POLQ: variants seen among roughly 807,000 people sequenced by gnomAD.
The protein encoded by POLQ is epididymis secretory sperm binding protein.
A neutral mutation model predicts 259.2 loss-of-function variants in POLQ; 233 were observed. That is an observed-to-expected ratio of 0.90 (90% CI 0.81 to 1.00). POLQ has a LOEUF of 1.00. Among genes scored for constraint, POLQ ranks in the 50% least tolerant of loss-of-function variants. The pLI, the probability that POLQ is intolerant of heterozygous loss-of-function variation, is 0.00. For synonymous variants in POLQ, 1,025 were observed against 1,048.8 expected (o/e 0.98, Z 0.44); for missense variants, 2,871 against 3,051.6 (o/e 0.94, Z 1.39).
intron 7 of POLQ, among the ~76,000 whole-genome samples, chr3:121,526,861 G>A (rs183563950): frequency 4.4e-5 from 6 of 135,612 alleles, no homozygotes; most frequent in East Asian, 2.3e-4. Flanking sequence ...GTGTGTGTGC[G>A]TGTGTGTCTC....
chr3:121,521,901 C>T (rs2108813250), intron 8 of POLQ, 102 bp downstream of exon 8: 2 of 843,138 alleles, frequency 2.4e-6, no homozygotes, highest in Admixed American at 2.9e-5. Context: ...AATCTAAGGA[C>T]ATTAAGTGTG....
chr3:121,542,567 G>A (rs73857910), intron 2 of POLQ, among the ~76,000 whole-genome samples: 3 of 152,098 alleles, frequency 2.0e-5, no homozygotes, highest in Admixed American at 6.6e-5. Flanking sequence ...CCACAAGAAA[G>A]GTTTATAATC....
chr3:121,514,708 G>A (rs937002712), intron 9 of POLQ, among the ~76,000 whole-genome samples: 7 of 152,062 alleles, frequency 4.6e-5, no homozygotes, highest in Admixed American at 2.0e-4. Context: ...TAGAGCTCAC[G>A]GCAACCAGCA....
At position 121,545,898 on chromosome 3, in the gene POLQ, T is replaced by C. The variant is rs2108824732; in HGVS notation, c.-21A>G. The C allele has an allele frequency of 6.2e-7, 1 of 1,612,324 alleles. No individual in the cohort carries two copies. Among genetic ancestry groups the C allele is most frequent in the Non-Finnish European group, 8.5e-7 (1 of 1,179,730 alleles). On this transcript the variant is annotated 5_prime_UTR_variant, in exon 1 of 30. It removes the in-frame stop codon of an upstream open reading frame in the 5' UTR. Coordinates refer to ENST00000264233, the MANE Select transcript of POLQ (RefSeq NM_199420.4). ...TTCATGGCAAACTCTTCTCGGCCGA[T>C]CAGGGCAAGCCACAGTCCCAGCGTC...
At chr3:121,476,769 T>C (rs1381747810) in intron 19 of POLQ, 36 bp from the exon 20 acceptor site, 1 of 1,396,784 alleles carries the variant, frequency 7.2e-7, no homozygotes, top group Admixed American at 1.9e-5. Context: ...GTTAATTCAT[T>C]GGCTAAGTGG....
At chr3:121,499,018 CT>C (rs2048146038) in intron 12 of POLQ, among the ~76,000 whole-genome samples, 1 of 152,066 alleles carries the variant, frequency 6.6e-6, no homozygotes, top group Admixed American at 6.6e-5. Flanking sequence ...GAGTTTGAGG[CT>C]GCAGTAAGCT....
At chr3:121,435,035 A>G (rs2047531660) in intron 28 of POLQ, among the ~76,000 whole-genome samples, 2 of 151,996 alleles carry the variant, frequency 1.3e-5, no homozygotes, top group Non-Finnish European at 1.5e-5. Flanking sequence ...ATGGTGGCAC[A>G]CTCCTGTAAT....
Position 121,506,222 on chromosome 3 carries a change from A to G in POLQ, c.1959+3339T>C, listed in dbSNP as rs1410797514. Among the ~76,000 whole-genome samples the G allele has an allele frequency of 2.0e-5, 3 of 152,194 alleles. No individual in the cohort carries two copies. In the East Asian group the frequency reaches 5.8e-4, roughly 29 times the overall value. ...TCAAGAGGAAAATCATTCTACTTATACCACAAAGCACCAATCTCCCTAATA... is the reference window on the plus strand; with the variant it reads ...TCAAGAGGAAAATCATTCTACTTATGCCACAAAGCACCAATCTCCCTAATA... On this transcript the variant is annotated intron_variant, in intron 12 of 29. Coordinates refer to ENST00000264233, the MANE Select transcript of POLQ (RefSeq NM_199420.4).
chr3:121,492,177 G>A (rs2048074021), intron 15 of POLQ, among the ~76,000 whole-genome samples: 2 of 152,094 alleles, frequency 1.3e-5, no homozygotes. Flanking sequence ...AAAGTGAGTG[G>A]GAGGGAAGAA....
chr3:121,525,292 G>A (rs1030086954), intron 7 of POLQ, among the ~76,000 whole-genome samples: 4 of 150,800 alleles, frequency 2.7e-5, no homozygotes, highest in African/African-American at 9.8e-5. Context: ...AGTGGGCCAA[G>A]ATAGCGCCAC....
Position 121,509,455 on chromosome 3 carries a change from T to A in POLQ, c.1959+106A>T. 4.3e-6 allele frequency: 4 copies of A among 934,306 alleles called. No individual in the cohort carries two copies. The South Asian group carries it at 6.8e-5, about 16-fold the overall frequency. The allele number at this position is 934,306 out of a possible 1,614,324, so 57.9% of individuals were successfully genotyped here. ...ATTCCCACCAGTACTAACCTAGGCA[T>A]GGAAAACAGACGAGATGTTCTGTTA... On this transcript the variant is annotated intron_variant, in intron 12 of 29. Coordinates refer to ENST00000264233, the MANE Select transcript of POLQ (RefSeq NM_199420.4).
intron 6 of POLQ, among the ~76,000 whole-genome samples, chr3:121,532,430 T>C (rs193146881): frequency 1.3e-5 from 2 of 152,310 alleles, no homozygotes; most frequent in East Asian, 3.9e-4. Flanking sequence ...TAAATGTTTA[T>C]ATTATATATC....
intron 10 of POLQ, among the ~76,000 whole-genome samples, chr3:121,510,586 A>G (rs778838888): frequency 6.7e-6 from 1 of 150,184 alleles, no homozygotes; most frequent in Non-Finnish European, 1.5e-5. Flanking sequence ...CAAAAAAACA[A>G]TTAAAAAAAA....
intron 25 of POLQ, among the ~76,000 whole-genome samples, chr3:121,457,982 AC>A (rs1200743661): frequency 6.6e-6 from 1 of 152,216 alleles, no homozygotes; most frequent in Non-Finnish European, 1.5e-5. Context: ...CTTGGAACCA[AC>A]CCAAATGTCC....
chr3:121,436,345 A>T, intron 27 of POLQ, 70 bp from the exon 28 acceptor site: 8 of 1,489,396 alleles, frequency 5.4e-6, no homozygotes, highest in Non-Finnish European at 7.4e-6. Flanking sequence ...TTTAGTGTCC[A>T]CAGTTCAGTG....
At chr3:121,486,557 T>A (rs539728535) in intron 16 of POLQ, among the ~76,000 whole-genome samples, 8 of 147,150 alleles carry the variant, frequency 5.4e-5, no homozygotes, top group East Asian at 4.3e-4. Flanking sequence ...GTCTAAAAAA[T>A]AATAATAATA....
intron 27 of POLQ, 144 bp from the exon 28 acceptor site, chr3:121,436,419 C>G: frequency 1.5e-6 from 1 of 689,206 alleles, no homozygotes. Flanking sequence ...AACTATTAGG[C>G]TGCATCCTAA....
At chr3:121,545,466 A>G (rs532898179) in intron 1 of POLQ, among the ~76,000 whole-genome samples, 3 of 152,298 alleles carry the variant, frequency 2.0e-5, no homozygotes, top group South Asian at 4.2e-4. Context: ...GAAGCTAACT[A>G]GGAAGTTGTT....
At position 121,539,416 on chromosome 3, in the gene POLQ, T is replaced by C. The variant is rs1454756301; in HGVS notation, c.631+17A>G. On this transcript the variant is annotated intron_variant, in intron 4 of 29. Transcript: ENST00000264233. ...AATAGCAATAGAAAGTATTTACTTA[T>C]TTTCTAACTTTCTTACCTAACAGAT... The C allele has an allele frequency of 6.4e-7, 1 of 1,557,680 alleles. No individual in the cohort carries two copies. The highest frequency in any genetic ancestry group is 2.2e-5 in the East Asian group (1 of 44,570).
Sources: gnomAD v4.1 joint callset for allele counts (sites outside exome capture counted in the v4.1 genomes callset) on GRCh38, gnomAD v4.1.1 for gene constraint, MANE v1.5 for transcripts, NCBI Gene and HGNC (gene_info 2026-07-23, HGNC 2026-07-21) for gene names.